The following FGF14 variants were observed in gnomAD, a reference collection of about 807,000 sequenced individuals.
The protein encoded by FGF14 is fibroblast growth factor 14.
In FGF14, 5 loss-of-function variants were observed where a neutral mutation model predicts 25.5. The ratio of observed to expected loss-of-function variants is 0.20; its 90% CI spans 0.10 to 0.41. The LOEUF is 0.41. FGF14 is among the 10% of genes least tolerant of loss of function. The pLI, the probability that FGF14 is intolerant of heterozygous loss-of-function variation, is 1.00. For missense variants in FGF14, 222 were observed against 320.1 expected (o/e 0.69, Z 2.34); for synonymous variants, 138 against 118.3 (o/e 1.17, Z -1.08).
At chr13:101,915,056 C>T (rs1035860771) in intron 1 of FGF14, among the ~76,000 whole-genome samples, 8 of 152,056 alleles carry the variant, frequency 5.3e-5, no homozygotes, top group African/African-American at 1.9e-4. Flanking sequence ...TATGATTGAT[C>T]CCAAATTCTC....
At chr13:101,778,125 A>G (rs931175157) in intron 3 of FGF14, among the ~76,000 whole-genome samples, 2 of 152,176 alleles carry the variant, frequency 1.3e-5, no homozygotes, top group Non-Finnish European at 2.9e-5. Flanking sequence ...GAGGCAAAGG[A>G]AAGTCCGGCT....
At chr13:102,090,776 G>A (rs767117194) in intron 1 of FGF14, among the ~76,000 whole-genome samples, 4 of 152,216 alleles carry the variant, frequency 2.6e-5, no homozygotes, top group African/African-American at 4.8e-5. Context: ...TGCCAACGGC[G>A]AGATGCCTTC....
chr13:102,121,502 A>G (rs1363039851), intron 1 of FGF14, among the ~76,000 whole-genome samples: 1 of 152,212 alleles, frequency 6.6e-6, no homozygotes, highest in Non-Finnish European at 1.5e-5. Context: ...ATGCAGAAGA[A>G]AAAGTTTAAC....
intron 1 of FGF14, among the ~76,000 whole-genome samples, chr13:102,245,864 G>C (rs2051838900): frequency 6.6e-6 from 1 of 152,060 alleles, no homozygotes; most frequent in South Asian, 2.1e-4. Context: ...GTGCAAGACA[G>C]ATCAAGTGCA....
intron 1 of FGF14, chr13:101,967,719 G>GT (rs2037304866): frequency 6.5e-6 from 1 of 154,270 alleles, no homozygotes; most frequent in African/African-American, 2.4e-5. Flanking sequence ...CCTGGAGGTG[G>GT]TAAAACACAA....
intron 1 of FGF14, chr13:102,017,137 C>T (rs1241208918): frequency 8.9e-6 from 2 of 223,628 alleles, no homozygotes; most frequent in Non-Finnish European, 1.8e-5. Context: ...CCTTGCTCCT[C>T]ATCCCCAAGT....
chr13:102,271,863 C>T (rs957125347), intron 1 of FGF14, among the ~76,000 whole-genome samples: 3 of 152,178 alleles, frequency 2.0e-5, no homozygotes, highest in Non-Finnish European at 2.9e-5. Context: ...AGGTCACCGT[C>T]GTTTCTCACA....
intron 1 of FGF14, among the ~76,000 whole-genome samples, chr13:102,189,006 A>AAGAAAGAAAGAAAGAG (rs1555374829): frequency 1.4e-5 from 1 of 70,492 alleles, no homozygotes; most frequent in Non-Finnish European, 2.8e-5. Flanking sequence ...GAAAGAAAGA[A>AAGAAAGAAAGAAAGAG]AGAGAAAGAA....
intron 1 of FGF14, among the ~76,000 whole-genome samples, chr13:102,154,076 C>T (rs936251664): frequency 1.3e-5 from 2 of 152,048 alleles, no homozygotes; most frequent in African/African-American, 4.8e-5. Context: ...ATGGTATCCA[C>T]GAGAATAACA....
intron 1 of FGF14, among the ~76,000 whole-genome samples, chr13:102,016,426 GATTA>G (rs1197373768): frequency 6.6e-6 from 1 of 152,088 alleles, no homozygotes; most frequent in Non-Finnish European, 1.5e-5. Flanking sequence ...AGACAACTGA[GATTA>G]GTTAATTGCT....
At chr13:102,070,388 C>T (rs1285198613) in intron 1 of FGF14, among the ~76,000 whole-genome samples, 1 of 152,136 alleles carries the variant, frequency 6.6e-6, no homozygotes, top group Non-Finnish European at 1.5e-5. Context: ...TAACAAATGC[C>T]ACCAAAGATG....
intron 1 of FGF14, among the ~76,000 whole-genome samples, chr13:102,235,518 G>A (rs899742734): frequency 3.3e-5 from 5 of 152,068 alleles, no homozygotes; most frequent in Admixed American, 2.6e-4. Context: ...TAGCTGATTC[G>A]TGCGCACCTT....
chr13:102,095,148 T>C (rs2044333200), intron 1 of FGF14, among the ~76,000 whole-genome samples: 1 of 152,176 alleles, frequency 6.6e-6, no homozygotes, highest in Non-Finnish European at 1.5e-5. Flanking sequence ...ATGTTGTGCA[T>C]AACTTCACAG....
chr13:102,026,991 A>G (rs2040961852), intron 1 of FGF14, among the ~76,000 whole-genome samples: 1 of 152,028 alleles, frequency 6.6e-6, no homozygotes, highest in Non-Finnish European at 1.5e-5. Context: ...TAGTAAACTC[A>G]TAAACCTAAA....
chr13:101,812,201 G>T (rs1201643901), intron 3 of FGF14, among the ~76,000 whole-genome samples: 1 of 152,052 alleles, frequency 6.6e-6, no homozygotes, highest in Non-Finnish European at 1.5e-5. Context: ...ATTATTTAAA[G>T]ATATTACAGG....
chr13:102,158,564 A>G (rs1396252651), intron 1 of FGF14, among the ~76,000 whole-genome samples: 1 of 151,890 alleles, frequency 6.6e-6, no homozygotes, highest in Non-Finnish European at 1.5e-5. Flanking sequence ...AGATATACCT[A>G]ATGTTAAATG....
At chr13:102,341,684 C>A (rs2056956247) in intron 1 of FGF14, among the ~76,000 whole-genome samples, 5 of 152,158 alleles carry the variant, frequency 3.3e-5, no homozygotes, top group Admixed American at 6.6e-5. Flanking sequence ...TTATGTCCTT[C>A]TTCCTATGAA....
chr13:102,150,836 G>C (rs2047053324), intron 1 of FGF14, among the ~76,000 whole-genome samples: 1 of 152,146 alleles, frequency 6.6e-6, no homozygotes. Flanking sequence ...AGAGATCTGG[G>C]TGCTGCCAAT....
chr13:101,993,468 G>A (rs985717806), intron 1 of FGF14, among the ~76,000 whole-genome samples: 5 of 151,958 alleles, frequency 3.3e-5, no homozygotes, highest in African/African-American at 9.7e-5. Flanking sequence ...TACTTTAACA[G>A]ATAACAGATT....
Sources: gnomAD v4.1 joint callset for allele counts (sites outside exome capture counted in the v4.1 genomes callset) on GRCh38, gnomAD v4.1.1 for gene constraint, MANE v1.5 for transcripts, NCBI Gene and HGNC (gene_info 2026-07-23, HGNC 2026-07-21) for gene names.